The following ACP7 variants were observed in gnomAD, a reference collection of about 807,000 sequenced individuals.
ACP7 encodes acid phosphatase 7, tartrate resistant (putative).
Under a neutral mutation model 60.6 loss-of-function variants are expected in ACP7, and 58 were observed. That is an observed-to-expected ratio of 0.96 (90% confidence interval 0.77 to 1.19). The LOEUF (loss-of-function observed/expected upper bound fraction) is 1.19. ACP7 is among the 50% of genes most tolerant of loss of function. The pLI is 0.00. For missense variants in ACP7, 574 were observed against 596.2 expected, an observed-to-expected ratio of 0.96 and a Z score of 0.39; for synonymous variants, 237 against 232.6, an observed-to-expected ratio of 1.02 and a Z score of -0.17.
Position 39,099,117 on chromosome 19 carries a change from C to A in ACP7, c.480C>A (p.Gly160=). Residue 160 remains glycine (G), a synonymous_variant, in exon 4 of 13, where the codon GGC becomes GGA. Coordinates refer to ENST00000331256, the MANE Select transcript of ACP7 (RefSeq NM_001004318.3). ...GGCTGCGCAGGGACACCCAGCAGGG[C>A]ATGTATGACGCCGTTCTCCATGTGG... ...VPRLRRDTQQ[G]MYDAVLHVGD... 1.9e-6 allele frequency: 3 copies of A among 1,575,184 alleles called. No individual in the cohort carries two copies. The highest frequency in any genetic ancestry group is 1.7e-6 in the Non-Finnish European group (2 of 1,163,510).
intron 2 of ACP7, among the ~76,000 whole-genome samples, chr19:39,093,548 C>T (rs1026046745): frequency 2.0e-5 from 3 of 151,970 alleles, no homozygotes; most frequent in Non-Finnish European, 2.9e-5. Flanking sequence ...GCCATCGCGC[C>T]CAGCTAATTT....
At chr19:39,087,690 A>G (rs1022730928) in intron 2 of ACP7, among the ~76,000 whole-genome samples, 4 of 149,688 alleles carry the variant, frequency 2.7e-5, no homozygotes, top group Non-Finnish European at 5.9e-5. Context: ...CTGTAGTGCA[A>G]TGGCATGATC....
At position 39,100,752 on chromosome 19, in the gene ACP7, C is replaced by T; in HGVS notation, c.706C>T (p.Pro236Ser). 1 of 1,613,958 alleles carries T rather than the reference C, an allele frequency of 6.2e-7. No individual in the cohort carries two copies. ...TGACTCCTCCAGCTGGGATCTGGGT[C>T]CCGCCCACATCATCTCCTTCTCCAC... Reference protein sequence around the residue: ...EGLWYSWDLGPAHIISFSTEV... With the variant: ...EGLWYSWDLGSAHIISFSTEV... The change falls in exon 7 of 13, where the codon CCC (proline) becomes TCC (serine). Residue 236 changes from proline (P) to serine (S), a missense_variant. Pro to Ser is a moderately conservative substitution (Grantham distance 74, BLOSUM62 -1). Coordinates refer to ENST00000331256, the MANE Select transcript of ACP7 (RefSeq NM_001004318.3).
chr19:39,093,890 T>C (rs1468409189), intron 2 of ACP7, among the ~76,000 whole-genome samples: 2 of 152,206 alleles, frequency 1.3e-5, no homozygotes, highest in African/African-American at 4.8e-5. Context: ...CCTGGAAACA[T>C]TTCATAGCAG....
intron 2 of ACP7, among the ~76,000 whole-genome samples, chr19:39,085,786 T>C (rs942713290): frequency 1.5e-4 from 23 of 152,138 alleles, no homozygotes; most frequent in Non-Finnish European, 2.9e-5. Context: ...TCTTCTCCTC[T>C]TCCCCACGAG....
intron 12 of ACP7, among the ~76,000 whole-genome samples, chr19:39,108,616 G>A (rs1244761358): frequency 2.0e-5 from 3 of 152,136 alleles, no homozygotes; most frequent in Admixed American, 2.0e-4. Flanking sequence ...GGAAGATAAA[G>A]ATGGGGGGTG....
chr19:39,090,331 G>A (rs2073190067), intron 2 of ACP7, among the ~76,000 whole-genome samples: 1 of 151,942 alleles, frequency 6.6e-6, no homozygotes, highest in African/African-American at 2.4e-5. Flanking sequence ...GCCATGCCTG[G>A]CCAAGTTTTT....
At chr19:39,104,654 C>G (rs914553017) in intron 11 of ACP7, among the ~76,000 whole-genome samples, 2 of 152,284 alleles carry the variant, frequency 1.3e-5, no homozygotes, top group East Asian at 1.9e-4. Context: ...GAAGCTGAGG[C>G]GGGCAGATCA....
intron 5 of ACP7, 104 bp from the exon 6 acceptor site, chr19:39,100,476 G>A: frequency 1.2e-6 from 2 of 1,601,876 alleles, no homozygotes; most frequent in Admixed American, 3.3e-5. Context: ...AGGAGATGGG[G>A]GTGGGCTGGA....
chr19:39,094,093 T>G (rs8112664), intron 2 of ACP7, among the ~76,000 whole-genome samples: 61,739 of 152,038 alleles, frequency 0.41, 12,844 homozygotes, highest in African/African-American at 0.48. Context: ...CCACACGGTA[T>G]TTTTAAAACC....
At chr19:39,094,238 C>T (rs184310845) in intron 2 of ACP7, among the ~76,000 whole-genome samples, 196 of 152,154 alleles carry the variant, frequency 1.3e-3, no homozygotes, top group African/African-American at 4.4e-3. Flanking sequence ...TGGTGGCTCA[C>T]CCAAAGTGCT....
intron 1 of ACP7, among the ~76,000 whole-genome samples, 169 bp downstream of exon 1, chr19:39,084,569 C>G (rs546882681): frequency 6.6e-6 from 1 of 151,342 alleles, no homozygotes. Context: ...AGGATGCGGC[C>G]GCTCTGGCCA....
At chr19:39,096,835 C>A (rs1411615883) in intron 2 of ACP7, among the ~76,000 whole-genome samples, 1 of 152,130 alleles carries the variant, frequency 6.6e-6, no homozygotes, top group Non-Finnish European at 1.5e-5. Context: ...CAGAGTCTTG[C>A]TCTGTTGCCA....
At chr19:39,095,044 T>C (rs1275249322) in intron 2 of ACP7, among the ~76,000 whole-genome samples, 1 of 152,194 alleles carries the variant, frequency 6.6e-6, no homozygotes, top group Non-Finnish European at 1.5e-5. Context: ...GTGGGAATTA[T>C]GGGTGTACAA....
intron 12 of ACP7, among the ~76,000 whole-genome samples, chr19:39,108,079 G>C (rs919004644): frequency 1.3e-5 from 2 of 151,210 alleles, no homozygotes; most frequent in Non-Finnish European, 2.9e-5. Flanking sequence ...AATGTGGACT[G>C]TAGAACTAGA....
At chr19:39,097,268 C>A (rs747013280) in intron 2 of ACP7, among the ~76,000 whole-genome samples, 1 of 152,044 alleles carries the variant, frequency 6.6e-6, no homozygotes, top group Admixed American at 6.6e-5. Context: ...TCCCACAACA[C>A]GTGGGGATTA....
rs371964713 is a variant in ACP7, at chr19:39,101,018, A to G, written c.877A>G (p.Asn293Asp). 1 of 1,613,938 alleles carries G rather than the reference A, an allele frequency of 6.2e-7. No individual in the cohort carries two copies. Residue 293 changes from asparagine to aspartate, a missense_variant, in exon 8 of 13, where the codon AAC becomes GAC. Asn to Asp is a conservative substitution (Grantham distance 23). Transcript: ENST00000331256. ...TMGHRPMYCS[N>D]ADLDDCTRHE... is the part of the protein sequence containing the mutation. Reference sequence around the variant, plus strand: ...GGGGCACCGGCCCATGTACTGCTCCAACGCAGATCTGGACGACTGCACACG... The same window carrying G: ...GGGGCACCGGCCCATGTACTGCTCCGACGCAGATCTGGACGACTGCACACG...
At chr19:39,093,740 T>C (rs372020858) in intron 2 of ACP7, among the ~76,000 whole-genome samples, 1 of 152,292 alleles carries the variant, frequency 6.6e-6, no homozygotes, top group African/African-American at 2.4e-5. Flanking sequence ...GTAATTCATC[T>C]CTTTAGTACC....
At chr19:39,087,306 C>A (rs560261109) in intron 2 of ACP7, among the ~76,000 whole-genome samples, 1 of 152,316 alleles carries the variant, frequency 6.6e-6, no homozygotes, top group Admixed American at 6.5e-5. Flanking sequence ...GCCACCGCGC[C>A]CCGCCTAAAA....
Sources: gnomAD v4.1 joint callset for allele counts (sites outside exome capture counted in the v4.1 genomes callset) on GRCh38, gnomAD v4.1.1 for gene constraint, MANE v1.5 for transcripts, NCBI Gene and HGNC (gene_info 2026-07-23, HGNC 2026-07-21) for gene names.